The following TXNDC11 variants were observed in gnomAD, a reference collection of about 807,000 sequenced individuals.
TXNDC11 encodes thioredoxin domain containing 11.
Under a neutral mutation model 78.0 loss-of-function variants are expected in TXNDC11, and 68 were observed. The observed-to-expected ratio is 0.87, with a 90% confidence interval of 0.72 to 1.07. The LOEUF is 1.07. Among genes scored for constraint, TXNDC11 ranks in the 50% least tolerant of loss-of-function variants. TXNDC11 has a pLI of 0.00. For missense variants in TXNDC11, 1,389 were observed against 1,221.8 expected (o/e 1.14, Z -2.04); for synonymous variants, 571 against 495.2 (o/e 1.15, Z -2.03).
At position 11,692,089 on chromosome 16, in the gene TXNDC11, T is replaced by C. The variant is rs1597417727; in HGVS notation, c.1108-7A>G. 12 of 1,519,864 alleles carry C rather than the reference T, an allele frequency of 7.9e-6. No individual in the cohort carries two copies. Among genetic ancestry groups the C allele is most frequent in the Non-Finnish European group, 7.9e-6 (9 of 1,134,810 alleles). 94.1% of individuals were successfully genotyped at this position (1,519,864 alleles called of 1,614,324 possible). A position where few individuals can be genotyped will look rare whatever the true frequency, so the allele number is the denominator to read the frequency against. ...CCAAGGCCACTTCGGTGATCTGAAATACAGGGCAGAGTTGGTGAAGGGCTT... is the reference window on the plus strand; with the variant it reads ...CCAAGGCCACTTCGGTGATCTGAAACACAGGGCAGAGTTGGTGAAGGGCTT... On this transcript the variant is annotated splice_polypyrimidine_tract_variant and splice_region_variant and intron_variant, in intron 7 of 11. Coordinates refer to ENST00000283033, the MANE Select transcript of TXNDC11 (RefSeq NM_015914.7).
rs762543080 is a variant in TXNDC11, at chr16:11,691,630, G to T, written c.1560C>A (p.Ile520=). The T allele has an allele frequency of 1.9e-6, 3 of 1,614,022 alleles. No homozygotes were observed. The highest frequency in any genetic ancestry group is 1.7e-6 in the Non-Finnish European group (2 of 1,180,034). ...CTTCAAAGACACCTTGTTCAGAGTC[G>T]ATGAAGCCTGACACACCCCTGCTTA... The part of the protein sequence containing the change: ...RTISRGVSGF[I]DSEQGVFEAP... Residue 520 remains isoleucine (I), a synonymous_variant, in exon 8 of 12, where the codon ATC becomes ATA. Coordinates refer to ENST00000283033, the MANE Select transcript of TXNDC11 (RefSeq NM_015914.7).
intron 5 of TXNDC11, among the ~76,000 whole-genome samples, chr16:11,703,513 C>CACACAT (rs61399806): frequency 0.08 from 6,003 of 74,822 alleles, 400 homozygotes; most frequent in African/African-American, 0.26. Context: ...TTTTGATACA[C>CACACAT]ACACACACAC....
chr16:11,721,723 A>T, intron 4 of TXNDC11, 53 bp from the exon 5 acceptor site: 2 of 977,618 alleles, frequency 2.0e-6, no homozygotes, highest in Admixed American at 4.1e-5. Context: ...GCCACAGTGT[A>T]ATGGAGGATA....
chr16:11,740,364 A>G (rs1356886236), intron 1 of TXNDC11, among the ~76,000 whole-genome samples: 1 of 152,168 alleles, frequency 6.6e-6, no homozygotes, highest in Non-Finnish European at 1.5e-5. Flanking sequence ...AAGAAGATGA[A>G]GCAGCAGCCA....
In TXNDC11 at chr16:11,697,305, G is replaced by A. The variant is rs559875725; in HGVS notation, c.1107+820C>T. Among the ~76,000 whole-genome samples the A allele has an allele frequency of 2.0e-5, 3 of 152,298 alleles. No individual in the cohort carries two copies. In the South Asian group the frequency reaches 6.2e-4, roughly 32 times the overall value. On this transcript the variant is annotated intron_variant, in intron 7 of 11. Transcript: ENST00000283033. ...CAGGAGGCCAGGCCAGCGCTGAGGG[G>A]CTCAGGTCTGCTTAGCTGGCCAGTG...
chr16:11,721,551 A>G (rs1049137952), intron 5 of TXNDC11, 26 bp downstream of exon 5: 2 of 1,297,934 alleles, frequency 1.5e-6, no homozygotes. Context: ...TGAAGTAACA[A>G]TGTCTTAATA....
At chr16:11,698,052 G>A (rs1322939831) in intron 7 of TXNDC11, 73 bp downstream of exon 7, 7 of 1,403,324 alleles carry the variant, frequency 5.0e-6, no homozygotes, top group Non-Finnish European at 7.1e-6. Context: ...ATGACTGAGT[G>A]TGGGATGAGA....
intron 7 of TXNDC11, among the ~76,000 whole-genome samples, chr16:11,694,276 A>T (rs2050800985): frequency 6.6e-6 from 1 of 151,346 alleles, no homozygotes; most frequent in Non-Finnish European, 1.5e-5. Context: ...CACCCAGCCA[A>T]TTTTTTCTAT....
chr16:11,709,928 A>G lies in TXNDC11; in HGVS notation c.794-9364T>C, dbSNP rs143130800. Reference sequence around the variant, plus strand: ...CTAAAGCACCATATTAAAATGATCAATTCAGGCCAGGCACAGTGGCTCACA... The same window carrying G: ...CTAAAGCACCATATTAAAATGATCAGTTCAGGCCAGGCACAGTGGCTCACA... On this transcript the variant is annotated intron_variant, in intron 5 of 11. Coordinates refer to ENST00000283033, the MANE Select transcript of TXNDC11 (RefSeq NM_015914.7). 2.1e-3 allele frequency among the ~76,000 whole-genome samples: 316 copies of G among 152,318 alleles called. 2 individuals carry two copies. The highest frequency in any genetic ancestry group is 7.3e-3 in the African/African-American group (304 of 41,564).
intron 4 of TXNDC11, among the ~76,000 whole-genome samples, chr16:11,727,621 C>A (rs1419084492): frequency 6.6e-6 from 1 of 152,026 alleles, no homozygotes; most frequent in African/African-American, 2.4e-5. Context: ...GACAGCTCTA[C>A]TGATGACACT....
chr16:11,698,844 A>C (rs933574), intron 6 of TXNDC11, among the ~76,000 whole-genome samples: 56,248 of 152,102 alleles, frequency 0.37, 11,855 homozygotes, highest in Non-Finnish European at 0.48. Flanking sequence ...AACACCAGGC[A>C]CACAGCAGGA....
At chr16:11,702,095 T>C (rs368129566) in intron 5 of TXNDC11, among the ~76,000 whole-genome samples, 54 of 117,164 alleles carry the variant, frequency 4.6e-4, no homozygotes, top group African/African-American at 1.3e-3. Flanking sequence ...TGTATGTGTA[T>C]ATATATATAT....
chr16:11,679,800 T>C lies in TXNDC11; in HGVS notation c.2272A>G (p.Ile758Val), dbSNP rs1567284888. ...LSVKYPEDVP[I>V]TLPNLLRFIL... ...AACCTCAACAGGTTTGGAAGGGTGA[T>C]GGGGACGTCTTCGGGGTATTTCACA... Residue 758 changes from isoleucine (I) to valine (V), a missense_variant, in exon 12 of 12, where the codon ATC becomes GTC. Transcript: ENST00000283033. This position sits in a 1 kb window ranked among gnomAD's most constrained non-coding sequence, Gnocchi z 4.6. The C allele has an allele frequency of 3.7e-6, 6 of 1,613,644 alleles. No individual in the cohort carries two copies. The South Asian group carries it at 5.5e-5, about 15-fold the overall frequency.
At chr16:11,704,570 C>G (rs2141042596) in intron 5 of TXNDC11, among the ~76,000 whole-genome samples, 1 of 152,302 alleles carries the variant, frequency 6.6e-6, no homozygotes, top group African/African-American at 2.4e-5. Context: ...ACACTGACAT[C>G]ATATGAACCC....
In TXNDC11 at chr16:11,679,147, T is replaced by G. The variant is rs1342106383; in HGVS notation, c.*48A>C. The G allele has an allele frequency of 6.4e-7, 1 of 1,570,986 alleles. No individual in the cohort carries two copies. Among genetic ancestry groups the G allele is most frequent in the Non-Finnish European group, 8.7e-7 (1 of 1,155,954 alleles). ...TTCAATAAAATTTGCATAAATATAT[T>G]CCCAATGTACAATTTTCACCTCTGA... On this transcript the variant is annotated 3_prime_UTR_variant, in exon 12 of 12. Coordinates refer to ENST00000283033, the MANE Select transcript of TXNDC11 (RefSeq NM_015914.7). The surrounding 1 kb of genome is among the most constrained non-coding windows in gnomAD (Gnocchi z 4.6).
At chr16:11,717,242 A>G (rs983933458) in intron 5 of TXNDC11, among the ~76,000 whole-genome samples, 1 of 151,566 alleles carries the variant, frequency 6.6e-6, no homozygotes, top group African/African-American at 2.4e-5. Context: ...CCTGGCCAAC[A>G]TGGCAAAAAG....
intron 8 of TXNDC11, chr16:11,690,057 A>G (rs771975002): frequency 6.6e-5 from 10 of 152,240 alleles, no homozygotes; most frequent in Non-Finnish European, 1.2e-4. Context: ...AGGATGGCTA[A>G]AAAGACTCAT....
intron 5 of TXNDC11, among the ~76,000 whole-genome samples, chr16:11,702,291 G>A (rs1405522155): frequency 6.6e-6 from 1 of 152,126 alleles, no homozygotes; most frequent in African/African-American, 2.4e-5. Context: ...AGTGTTAAAG[G>A]AGGGTGAATA....
chr16:11,696,374 T>C (rs987432613), intron 7 of TXNDC11, among the ~76,000 whole-genome samples: 9 of 152,184 alleles, frequency 5.9e-5, no homozygotes, highest in Non-Finnish European at 8.8e-5. Flanking sequence ...CCTCCTCTGG[T>C]TCCTCCTGAC....
Sources: allele counts gnomAD v4.1 joint callset (sites outside exome capture counted in the v4.1 genomes callset), GRCh38; gene constraint gnomAD v4.1.1; non-coding constraint Gnocchi (gnomAD v3.1); transcripts MANE v1.5; gene names NCBI Gene and HGNC (gene_info 2026-07-23, HGNC 2026-07-21).